FANCA: variants seen among roughly 807,000 people sequenced by gnomAD.
FANCA encodes Fanconi anemia group A protein.
Under a neutral mutation model 194.3 loss-of-function variants are expected in FANCA, and 236 were observed. That is an observed-to-expected ratio of 1.21 (90% confidence interval 1.09 to 1.35). The LOEUF is 1.35. Ranked by LOEUF, FANCA falls within the 40% of genes most tolerant of loss-of-function variation. FANCA has a pLI of 0.00. For synonymous variants in FANCA, 1,014 were observed against 715.8 expected, an observed-to-expected ratio of 1.42 and a Z score of -6.65; for missense variants, 2,628 against 1,813.9, an observed-to-expected ratio of 1.45 and a Z score of -8.15.
At chr16:89,785,877 C>CA (rs1221318156) in intron 14 of FANCA, among the ~76,000 whole-genome samples, 1 of 83,316 alleles carries the variant, frequency 1.2e-5, no homozygotes, top group Non-Finnish European at 2.0e-5. Flanking sequence ...TTTTTGGAGA[C>CA]AGAGTCTTGC....
intron 28 of FANCA, among the ~76,000 whole-genome samples, chr16:89,764,414 T>C (rs563819984): frequency 3.2e-4 from 49 of 152,242 alleles, no homozygotes; most frequent in African/African-American, 1.2e-3. Context: ...AAGTGATTTC[T>C]CTTGCCTCAG....
chr16:89,750,041 A>G (rs1017586905), intron 31 of FANCA, 139 bp from the exon 32 acceptor site: 6 of 865,438 alleles, frequency 6.9e-6, no homozygotes, highest in African/African-American at 5.0e-5. Context: ...AGCTATTTCA[A>G]TTGGAAATCA....
At chr16:89,749,697 G>C in intron 32 of FANCA, 33 bp downstream of exon 32, 1 of 1,596,516 alleles carries the variant, frequency 6.3e-7, no homozygotes, top group Non-Finnish European at 8.6e-7. Flanking sequence ...TGCCCAGGTG[G>C]TGCTGCCCTG....
intron 28 of FANCA, among the ~76,000 whole-genome samples, chr16:89,762,985 C>T (rs1052718385): frequency 6.8e-6 from 1 of 147,624 alleles, no homozygotes; most frequent in Non-Finnish European, 1.5e-5. Context: ...TGGTGGCTCA[C>T]ACCTGTAATC....
intron 36 of FANCA, chr16:89,744,720 G>A: frequency 1.8e-6 from 1 of 559,022 alleles, no homozygotes; most frequent in South Asian, 1.9e-5. Flanking sequence ...CCGTTGGAGT[G>A]ATCTCGGCTC....
chr16:89,746,608 G>A lies in FANCA; in HGVS notation c.3489C>T (p.Cys1163=). 1 of 1,614,128 alleles carries A rather than the reference G, an allele frequency of 6.2e-7. No individual in the cohort carries two copies. Among genetic ancestry groups the A allele is most frequent in the Non-Finnish European group, 8.5e-7 (1 of 1,180,004 alleles). ...CCAGAGCAGAGGTCAAAATTAAGGG[G>A]CATTTCGTCTGGCACTTGGCCAGTA... is the stretch of plus-strand genomic sequence containing the variant. The part of the protein sequence containing the change: ...DFILAKCQTK[C]PLILTSALVW... The change falls in exon 35 of 43, where the codon TGC becomes TGT. Residue 1163 remains cysteine, a synonymous_variant. Coordinates refer to ENST00000389301, the MANE Select transcript of FANCA (RefSeq NM_000135.4).
intron 5 of FANCA, among the ~76,000 whole-genome samples, chr16:89,809,524 G>C (rs2040794962): frequency 6.6e-6 from 1 of 151,836 alleles, no homozygotes; most frequent in Non-Finnish European, 1.5e-5. Flanking sequence ...GACCAGCCTG[G>C]CCAACATGGT....
intron 3 of FANCA, 112 bp from the exon 4 acceptor site, chr16:89,811,183 C>A: frequency 1.4e-6 from 2 of 1,398,454 alleles, no homozygotes; most frequent in South Asian, 2.4e-5. Context: ...AAAAAAATTG[C>A]CTTTTAAACG....
intron 33 of FANCA, among the ~76,000 whole-genome samples, chr16:89,747,703 A>T (rs1567602299): frequency 6.6e-6 from 1 of 151,960 alleles, no homozygotes; most frequent in Admixed American, 6.6e-5. Flanking sequence ...TCTGTCTCAA[A>T]AAATAAATAA....
rs371468362 is a variant in FANCA at position 89,737,755 on chromosome 16, C to T, written c.*846G>A. 32 of 1,610,414 alleles carry T rather than the reference C, an allele frequency of 2.0e-5. No homozygotes were observed. Among genetic ancestry groups the T allele is most frequent in the African/African-American group, 9.3e-5 (7 of 74,870 alleles). On this transcript the variant is annotated 3_prime_UTR_variant, in exon 43 of 43. Transcript: ENST00000389301. ...TTTCACATTGTCATCGTCGTCCCCC[C>T]GGGAGGTTGGAGCATCAGGGGCCTG...
intron 13 of FANCA, 53 bp from the exon 14 acceptor site, chr16:89,791,589 C>T (rs2143527314): frequency 1.2e-6 from 2 of 1,609,986 alleles, no homozygotes; most frequent in East Asian, 2.2e-5. Flanking sequence ...CCAGCAGGAA[C>T]ATGACGTGAG....
intron 29 of FANCA, among the ~76,000 whole-genome samples, chr16:89,761,369 A>C (rs2038945608): frequency 6.7e-6 from 1 of 149,334 alleles, no homozygotes; most frequent in Non-Finnish European, 1.5e-5. Context: ...CAGTGAGCCG[A>C]GATCGCGCCA....
chr16:89,770,118 C>T lies in FANCA; in HGVS notation c.2316+48G>A, dbSNP rs34072481. 527 of 1,571,560 alleles carry T rather than the reference C, an allele frequency of 3.4e-4. 3 individuals are homozygous for T. The African/African-American group carries it at 6.0e-3, about 18-fold the overall frequency. ...GACGAATTGAGAAGTAGCAGCCTGG[C>T]CCTCAGAGTGGGCCCCCAAGGGTGG... On this transcript the variant is annotated intron_variant, in intron 25 of 42. Coordinates refer to ENST00000389301, the MANE Select transcript of FANCA (RefSeq NM_000135.4).
rs55646310 is a variant in FANCA, at chr16:89,769,755, G to C, written c.2504+82C>G. On this transcript the variant is annotated intron_variant, in intron 26 of 42. Coordinates refer to ENST00000389301, the MANE Select transcript of FANCA (RefSeq NM_000135.4). Reference sequence around the variant, plus strand: ...CTTTGGGTGGTATGTCTGCATGTCTGTCTCTTCTAATTTTATCAAACGAGC... The same window carrying C: ...CTTTGGGTGGTATGTCTGCATGTCTCTCTCTTCTAATTTTATCAAACGAGC... 1,391 of 1,499,228 alleles carry C rather than the reference G, an allele frequency of 9.3e-4. 14 individuals are homozygous for C. The African/African-American group carries it at 0.016, about 17-fold the overall frequency. 92.9% of individuals were successfully genotyped at this position (1,499,228 alleles called of 1,614,324 possible).
intron 8 of FANCA, 113 bp downstream of exon 8, chr16:89,803,146 C>G: frequency 9.7e-7 from 1 of 1,035,694 alleles, no homozygotes; most frequent in South Asian, 1.3e-5. Flanking sequence ...CACATGTACC[C>G]CGTAAATAGG....
At chr16:89,797,519 G>C (rs1388004340) in intron 10 of FANCA, among the ~76,000 whole-genome samples, 1 of 152,094 alleles carries the variant, frequency 6.6e-6, no homozygotes, top group East Asian at 1.9e-4. Flanking sequence ...AGGGCTTTGG[G>C]ACACCACAGC....
intron 10 of FANCA, among the ~76,000 whole-genome samples, chr16:89,797,104 G>A (rs1324536093): frequency 1.3e-5 from 2 of 152,244 alleles, no homozygotes; most frequent in African/African-American, 2.4e-5. Context: ...AGCTTGCAGT[G>A]AGCAGAGATC....
intron 14 of FANCA, 95 bp downstream of exon 14, chr16:89,791,308 C>G: frequency 6.6e-7 from 1 of 1,524,694 alleles, no homozygotes; most frequent in Non-Finnish European, 8.9e-7. Context: ...GTTGCTCACT[C>G]ACATGACAGA....
chr16:89,803,165 G>A, intron 8 of FANCA, 94 bp downstream of exon 8: 2 of 1,180,024 alleles, frequency 1.7e-6, no homozygotes, highest in African/African-American at 3.0e-5. Flanking sequence ...GGTACAAACA[G>A]CACGTTTCAA....
Sources: gnomAD v4.1 joint callset for allele counts (sites outside exome capture counted in the v4.1 genomes callset) on GRCh38, gnomAD v4.1.1 for gene constraint, MANE v1.5 for transcripts, NCBI Gene and HGNC (gene_info 2026-07-23, HGNC 2026-07-21) for gene names.